ARMC9: variants seen among roughly 807,000 people sequenced by gnomAD.
ARMC9 encodes the protein lisH domain-containing protein ARMC9.
ARMC9 carries 94 observed loss-of-function variants against 107.0 expected under a neutral mutation model. The ratio of observed to expected loss-of-function variants is 0.88; its 90% CI spans 0.74 to 1.04. The LOEUF is 1.04. Ranked by LOEUF, ARMC9 falls within the 50% of genes least tolerant of loss-of-function variation. The probability of loss-of-function intolerance (pLI) is 0.00; values close to 1 mark genes in which losing one functional copy is unlikely to be tolerated. For synonymous variants in ARMC9, 380 were observed against 396.9 expected, an observed-to-expected ratio of 0.96 and a Z score of 0.51; for missense variants, 942 against 1,030.1, an observed-to-expected ratio of 0.91 and a Z score of 1.17.
At position 231,370,042 on chromosome 2, in the gene ARMC9, T is replaced by C; in HGVS notation, c.2351T>C (p.Val784Ala). Residue 784 changes from valine to alanine, a missense_variant, in exon 24 of 25, where the codon GTT (valine) becomes GCT (alanine). Coordinates refer to ENST00000611582, the MANE Select transcript of ARMC9 (RefSeq NM_001352754.2). ...DWNPPKAKAS[V>A]LAPLFSSCGP... ...AACCCACCCAAGGCAAAGGCGTCAG[T>C]TCTGGCCCCTCTGTTCTCTTCGTGT... is the stretch of plus-strand genomic sequence containing the variant. 5 of 1,535,790 alleles carry C rather than the reference T, an allele frequency of 3.3e-6. No homozygotes were observed. Among genetic ancestry groups the C allele is most frequent in the Non-Finnish European group, 4.4e-6 (5 of 1,146,742 alleles).
At chr2:231,328,900 C>A (rs558648329) in intron 19 of ARMC9, among the ~76,000 whole-genome samples, 1 of 149,488 alleles carries the variant, frequency 6.7e-6, no homozygotes, top group Non-Finnish European at 1.5e-5. Flanking sequence ...CTGCAAGCTC[C>A]GCCTCCCGGG....
chr2:231,233,928 T>G (rs904740184), intron 7 of ARMC9, among the ~76,000 whole-genome samples: 2 of 152,212 alleles, frequency 1.3e-5, no homozygotes, highest in African/African-American at 4.8e-5. Flanking sequence ...TTTTTTAAAT[T>G]TAATCTTCAC....
chr2:231,355,455 C>T (rs1395638082), intron 21 of ARMC9, among the ~76,000 whole-genome samples: 2 of 152,230 alleles, frequency 1.3e-5, no homozygotes, highest in Non-Finnish European at 2.9e-5. Flanking sequence ...CTGCTTCATC[C>T]TTGGAGAAAC....
At chr2:231,368,561 A>T (rs2045901488) in intron 23 of ARMC9, among the ~76,000 whole-genome samples, 1 of 152,246 alleles carries the variant, frequency 6.6e-6, no homozygotes, top group African/African-American at 2.4e-5. Flanking sequence ...CAAGTAAGCA[A>T]CAATGTCACA....
chr2:231,269,341 T>C (rs920554475), intron 12 of ARMC9, among the ~76,000 whole-genome samples: 3 of 151,914 alleles, frequency 2.0e-5, no homozygotes, highest in African/African-American at 7.3e-5. Flanking sequence ...TCTATTATAG[T>C]TTTCTCTCAT....
At chr2:231,296,001 A>G (rs1040987576) in intron 18 of ARMC9, 197 bp from the exon 19 acceptor site, 4 of 402,148 alleles carry the variant, frequency 9.9e-6, no homozygotes, top group Non-Finnish European at 1.3e-5. Flanking sequence ...AAATGGAGAG[A>G]TTTACTATTT....
chr2:231,266,806 A>C (rs1053081973), intron 12 of ARMC9, among the ~76,000 whole-genome samples: 1 of 152,232 alleles, frequency 6.6e-6, no homozygotes, highest in Non-Finnish European at 1.5e-5. Context: ...CTAACATTTC[A>C]TCATATGGGT....
chr2:231,237,147 A>G (rs968772990), intron 8 of ARMC9, among the ~76,000 whole-genome samples: 3 of 150,350 alleles, frequency 2.0e-5, no homozygotes, highest in African/African-American at 4.9e-5. Context: ...TGTCTTGTGT[A>G]TTATTTTAGA....
At chr2:231,265,012 C>T (rs963358368) in intron 12 of ARMC9, among the ~76,000 whole-genome samples, 32 of 151,948 alleles carry the variant, frequency 2.1e-4, no homozygotes, top group Non-Finnish European at 4.7e-4. Flanking sequence ...GCAGGAGAAT[C>T]GCTTGAACCC....
At chr2:231,287,283 C>T (rs1183493755) in intron 17 of ARMC9, among the ~76,000 whole-genome samples, 1 of 152,210 alleles carries the variant, frequency 6.6e-6, no homozygotes, top group African/African-American at 2.4e-5. Context: ...GATGTGTATT[C>T]CCCACGCACC....
chr2:231,314,509 T>C (rs1227584086), intron 19 of ARMC9, among the ~76,000 whole-genome samples: 2 of 152,242 alleles, frequency 1.3e-5, no homozygotes, highest in African/African-American at 4.8e-5. Context: ...CAACCCAGAC[T>C]TTCTCAACCT....
At chr2:231,338,792 A>C (rs1020131215) in intron 20 of ARMC9, among the ~76,000 whole-genome samples, 1 of 152,090 alleles carries the variant, frequency 6.6e-6, no homozygotes, top group Non-Finnish European at 1.5e-5. Context: ...CTTCTGTTTT[A>C]TGCCCTTTGA....
chr2:231,205,842 G>T (rs2031898616), intron 1 of ARMC9, among the ~76,000 whole-genome samples: 1 of 152,196 alleles, frequency 6.6e-6, no homozygotes, highest in Non-Finnish European at 1.5e-5. Context: ...TACCCTCCTT[G>T]TCTTATGCCA....
rs554297230 is a variant in ARMC9 at position 231,257,095 on chromosome 2, G to A, written c.914+475G>A. On this transcript the variant is annotated intron_variant, in intron 10 of 24. Coordinates refer to ENST00000611582, the MANE Select transcript of ARMC9 (RefSeq NM_001352754.2). ...CTCCCAGAGTGCTGGGAATATAGGC[G>A]TGAGCCACCGCGCCTGGCCATCTTA... 5.3e-5 allele frequency among the ~76,000 whole-genome samples: 8 copies of A among 152,350 alleles called. No individual in the cohort carries two copies. In the South Asian group the frequency reaches 1.7e-3, roughly 32 times the overall value.
chr2:231,306,049 A>G (rs2042018896), intron 19 of ARMC9, among the ~76,000 whole-genome samples: 1 of 152,238 alleles, frequency 6.6e-6, no homozygotes, highest in Non-Finnish European at 1.5e-5. Flanking sequence ...CTGTTACATA[A>G]GTTACAATAA....
intron 15 of ARMC9, among the ~76,000 whole-genome samples, chr2:231,277,485 T>C (rs1284347858): frequency 6.6e-6 from 1 of 151,910 alleles, no homozygotes; most frequent in Non-Finnish European, 1.5e-5. Context: ...GACTGAACCA[T>C]GTAACTGTGT....
intron 20 of ARMC9, among the ~76,000 whole-genome samples, chr2:231,334,455 T>C (rs375396229): frequency 2.6e-5 from 4 of 152,344 alleles, no homozygotes; most frequent in African/African-American, 9.6e-5. Flanking sequence ...TTCTGTCTTT[T>C]GTAAGGACAC....
At chr2:231,290,502 G>C (rs922705800) in intron 17 of ARMC9, among the ~76,000 whole-genome samples, 4 of 152,170 alleles carry the variant, frequency 2.6e-5, no homozygotes, top group South Asian at 2.1e-4. Flanking sequence ...CACTTCCTCT[G>C]TTTTGAGATC....
intron 7 of ARMC9, among the ~76,000 whole-genome samples, chr2:231,228,465 C>G (rs2034881001): frequency 6.6e-6 from 1 of 152,210 alleles, no homozygotes; most frequent in South Asian, 2.1e-4. Context: ...GACGAGAACA[C>G]CTGCGTGGCC....
Sources: allele counts gnomAD v4.1 joint callset (sites outside exome capture counted in the v4.1 genomes callset), GRCh38; gene constraint gnomAD v4.1.1; transcripts MANE v1.5; gene names NCBI Gene and HGNC (gene_info 2026-07-23, HGNC 2026-07-21).